CHRM3: variants seen among roughly 807,000 people sequenced by gnomAD.
CHRM3 encodes the protein cholinergic receptor muscarinic 3.
Under a neutral mutation model 41.8 loss-of-function variants are expected in CHRM3, and 11 were observed. That is an observed-to-expected ratio of 0.26 (90% CI 0.17 to 0.44). The LOEUF (loss-of-function observed/expected upper bound fraction) is 0.44. Ranked by LOEUF, CHRM3 falls within the 20% of genes least tolerant of loss-of-function variation. The pLI, the probability that CHRM3 is intolerant of heterozygous loss-of-function variation, is 1.00. For synonymous variants in CHRM3, 297 were observed against 301.4 expected (o/e 0.99, Z 0.15); for missense variants, 571 against 745.4 (o/e 0.77, Z 2.72).
At chr1:239,699,263 A>T (rs1660470507) in intron 5 of CHRM3, among the ~76,000 whole-genome samples, 1 of 53,974 alleles carries the variant, frequency 1.9e-5, no homozygotes, top group Non-Finnish European at 4.5e-5. Flanking sequence ...TTGAAGCGTA[A>T]CTCCCAGTGT....
Position 239,911,862 on chromosome 1 carries a change from T to C in CHRM3, c.*2638T>C, listed in dbSNP as rs1212470643. 3 of 167,012 alleles carry C rather than the reference T, an allele frequency of 1.8e-5. No homozygotes were observed. The East Asian group carries it at 5.8e-4, about 32-fold the overall frequency. The allele number at this position is 167,012 out of a possible 1,614,324, so 10.3% of individuals were successfully genotyped here. A position where few individuals can be genotyped will look rare whatever the true frequency, so the allele number is the denominator to read the frequency against. ...AGAGAAAGAAAACAAGCAAAATAGG[T>C]TCTTTTGAATATGAATAATTTAAAA... is the stretch of plus-strand genomic sequence containing the variant. On this transcript the variant is annotated 3_prime_UTR_variant, in exon 7 of 7. Transcript: ENST00000676153.
intron 5 of CHRM3, among the ~76,000 whole-genome samples, chr1:239,755,694 T>C (rs1049177780): frequency 3.3e-4 from 51 of 152,274 alleles, no homozygotes; most frequent in African/African-American, 1.2e-3. Flanking sequence ...AATGGGTAGT[T>C]TCTGAAGCAC....
intron 2 of CHRM3, among the ~76,000 whole-genome samples, chr1:239,506,504 C>G (rs1367857093): frequency 6.6e-6 from 1 of 152,196 alleles, no homozygotes. Context: ...TTGGGAACTT[C>G]TGCCTAGGGT....
At chr1:239,867,311 T>C (rs982119772) in intron 6 of CHRM3, among the ~76,000 whole-genome samples, 5 of 152,262 alleles carry the variant, frequency 3.3e-5, no homozygotes, top group Admixed American at 6.5e-5. Flanking sequence ...TATGATATTG[T>C]TCTGCTTATT....
intron 4 of CHRM3, among the ~76,000 whole-genome samples, chr1:239,677,351 G>C (rs1215909950): frequency 6.6e-6 from 1 of 152,222 alleles, no homozygotes; most frequent in Non-Finnish European, 1.5e-5. Flanking sequence ...CATGAAATAA[G>C]TTGAATCGGT....
chr1:239,746,564 A>G (rs181763450), intron 5 of CHRM3, among the ~76,000 whole-genome samples: 1 of 152,340 alleles, frequency 6.6e-6, no homozygotes, highest in Non-Finnish European at 1.5e-5. Flanking sequence ...TAGAAAGTTT[A>G]AAATACTATT....
chr1:239,858,158 T>C (rs1675278439), intron 6 of CHRM3, among the ~76,000 whole-genome samples: 1 of 152,164 alleles, frequency 6.6e-6, no homozygotes, highest in South Asian at 2.1e-4. Context: ...AACAATTAAA[T>C]CCATTGACCA....
intron 3 of CHRM3, chr1:239,606,326 AGT>A (rs1666268417): frequency 6.6e-6 from 1 of 151,644 alleles, no homozygotes; most frequent in African/African-American, 2.4e-5. Context: ...CCCAGGCTGG[AGT>A]GCAGTGGCGC....
chr1:239,520,009 A>G (rs1031808774), intron 2 of CHRM3, among the ~76,000 whole-genome samples: 1 of 151,992 alleles, frequency 6.6e-6, no homozygotes, highest in Non-Finnish European at 1.5e-5. Context: ...GGCCTCCCAA[A>G]GCGTAAACAA....
At chr1:239,791,156 G>A (rs1233523593) in intron 5 of CHRM3, among the ~76,000 whole-genome samples, 1 of 151,914 alleles carries the variant, frequency 6.6e-6, no homozygotes, top group African/African-American at 2.4e-5. Flanking sequence ...CCATGCTGGA[G>A]TGCTGTGATG....
At chr1:239,873,093 T>G (rs1402044527) in intron 6 of CHRM3, among the ~76,000 whole-genome samples, 2 of 152,190 alleles carry the variant, frequency 1.3e-5, no homozygotes, top group Non-Finnish European at 2.9e-5. Flanking sequence ...ACTGTGCCAG[T>G]GTGTACAGTT....
At chr1:239,871,886 G>A (rs935092897) in intron 6 of CHRM3, among the ~76,000 whole-genome samples, 1 of 152,050 alleles carries the variant, frequency 6.6e-6, no homozygotes, top group Non-Finnish European at 1.5e-5. Flanking sequence ...TTTTAGCTGG[G>A]GTTCAAGAAT....
intron 3 of CHRM3, among the ~76,000 whole-genome samples, chr1:239,585,501 A>G (rs1663314731): frequency 6.6e-6 from 1 of 152,178 alleles, no homozygotes; most frequent in Non-Finnish European, 1.5e-5. Flanking sequence ...TGTGTGGAAG[A>G]AACACCTCCC....
chr1:239,531,945 C>A (rs34987466), intron 2 of CHRM3, among the ~76,000 whole-genome samples: 6,465 of 149,464 alleles, frequency 0.043, 156 homozygotes, highest in Middle Eastern at 0.06. Context: ...AGGCTCGAGC[C>A]GCCGTGCCTG....
intron 4 of CHRM3, among the ~76,000 whole-genome samples, chr1:239,667,256 C>A (rs1166768411): frequency 1.3e-5 from 2 of 152,174 alleles, no homozygotes; most frequent in Non-Finnish European, 2.9e-5. Context: ...ATACACCCAG[C>A]ACAGACACAT....
chr1:239,407,417 T>TAGAGAGAGAG (rs67319486), intron 1 of CHRM3, among the ~76,000 whole-genome samples: 7 of 134,150 alleles, frequency 5.2e-5, no homozygotes, highest in Non-Finnish European at 6.8e-5. Context: ...TATATATATA[T>TAGAGAGAGAG]AGAGAGAGAG....
intron 3 of CHRM3, chr1:239,546,517 A>G (rs1428837961): frequency 6.6e-6 from 1 of 152,172 alleles, no homozygotes; most frequent in East Asian, 1.9e-4. Flanking sequence ...TAATTAATGC[A>G]GTCTACTATT....
At chr1:239,884,742 A>T (rs934850362) in intron 6 of CHRM3, among the ~76,000 whole-genome samples, 1 of 152,194 alleles carries the variant, frequency 6.6e-6, no homozygotes, top group Non-Finnish European at 1.5e-5. Flanking sequence ...AGGCAGGTAA[A>T]CTCAGCAGTT....
At chr1:239,652,823 C>T (rs1672357808) in intron 4 of CHRM3, among the ~76,000 whole-genome samples, 1 of 151,610 alleles carries the variant, frequency 6.6e-6, no homozygotes, top group Admixed American at 6.6e-5. Flanking sequence ...CTCATAAAGT[C>T]GTGAAAACCA....
Sources: allele counts gnomAD v4.1 joint callset (sites outside exome capture counted in the v4.1 genomes callset), GRCh38; gene constraint gnomAD v4.1.1; transcripts MANE v1.5; gene names NCBI Gene and HGNC (gene_info 2026-07-23, HGNC 2026-07-21).